The following PIK3R5 variants were observed in gnomAD, a reference collection of about 807,000 sequenced individuals.
PIK3R5 encodes the protein phosphoinositide-3-kinase regulatory subunit 5.
PIK3R5 carries 32 observed loss-of-function variants against 94.9 expected under a neutral mutation model. The ratio of observed to expected loss-of-function variants is 0.34; its 90% CI spans 0.25 to 0.45. The LOEUF is 0.45. Ranked by LOEUF, PIK3R5 falls within the 20% of genes least tolerant of loss-of-function variation. The pLI, the probability that PIK3R5 is intolerant of heterozygous loss-of-function variation, is 1.00. For missense variants in PIK3R5, 853 were observed against 1,144.6 expected (o/e 0.75, Z 3.68); for synonymous variants, 443 against 479.4 (o/e 0.92, Z 0.99).
At chr17:8,946,879 G>A (rs746934416) in intron 1 of PIK3R5, among the ~76,000 whole-genome samples, 10 of 152,036 alleles carry the variant, frequency 6.6e-5, no homozygotes, top group South Asian at 2.1e-4. Context: ...GCCCCATCTC[G>A]GCTGCCTCCT....
chr17:8,948,746 G>C (rs1193797818), intron 1 of PIK3R5, among the ~76,000 whole-genome samples: 1 of 152,192 alleles, frequency 6.6e-6, no homozygotes, highest in East Asian at 1.9e-4. Context: ...CATACCCAGT[G>C]GAAGATGCTC....
intron 12 of PIK3R5, among the ~76,000 whole-genome samples, 170 bp from the exon 13 acceptor site, chr17:8,886,775 C>T (rs951820928): frequency 2.0e-5 from 3 of 152,162 alleles, no homozygotes; most frequent in African/African-American, 7.2e-5. Flanking sequence ...GCCTCCATGC[C>T]CCTCACCTGA....
At chr17:8,906,312 T>C (rs997668244) in intron 3 of PIK3R5, among the ~76,000 whole-genome samples, 2 of 152,234 alleles carry the variant, frequency 1.3e-5, no homozygotes, top group African/African-American at 4.8e-5. Flanking sequence ...TTTTTACTCC[T>C]AACGTATTTT....
chr17:8,913,519 C>T (rs551026631), intron 1 of PIK3R5, among the ~76,000 whole-genome samples: 181 of 148,642 alleles, frequency 1.2e-3, no homozygotes, highest in Non-Finnish European at 1.7e-3. Context: ...CCAGCCTGGC[C>T]AACATCTTGA....
rs192228703 is a variant in PIK3R5 at position 8,910,177 on chromosome 17, C to T, written c.104-1003G>A. 3.0e-3 allele frequency among the ~76,000 whole-genome samples: 458 copies of T among 152,122 alleles called. 1 individual carries two copies. Among genetic ancestry groups the T allele is most frequent in the African/African-American group, 5.0e-3 (206 of 41,498 alleles). On this transcript the variant is annotated intron_variant, in intron 2 of 18. Coordinates refer to ENST00000447110, the MANE Select transcript of PIK3R5 (RefSeq NM_001142633.3). ...TGTGTGTGGAGTGGGGAGTGAGAGC[C>T]GCAGGAGTGGAAATGGATTGAACTT...
rs2151416618 is a variant in PIK3R5 at position 8,911,886 on chromosome 17, A to G, written c.-13-379T>C. The G allele has an allele frequency of 6.2e-6, 1 of 161,498 alleles. No individual in the cohort carries two copies. The highest frequency in any genetic ancestry group is 2.8e-3 in the Middle Eastern group (1 of 356). The allele number at this position is 161,498 out of a possible 1,614,324, so 10.0% of individuals were successfully genotyped here. On this transcript the variant is annotated intron_variant, in intron 1 of 18. Coordinates refer to ENST00000447110, the MANE Select transcript of PIK3R5 (RefSeq NM_001142633.3). This position sits in a 1 kb window ranked among gnomAD's most constrained non-coding sequence, Gnocchi z 5.3. ...TGAGGGGAAAATCAGAATCACTCGG[A>G]GGACTTTTTCTGAATTTCCAGGCTG...
chr17:8,965,345 C>T (rs76318688), intron 1 of PIK3R5, among the ~76,000 whole-genome samples: 115 of 152,342 alleles, frequency 7.5e-4, no homozygotes, highest in African/African-American at 2.7e-3. Context: ...AGAGGTTACC[C>T]GGATAACGAT....
chr17:8,947,772 G>A (rs374869662), intron 1 of PIK3R5, among the ~76,000 whole-genome samples: 38 of 152,192 alleles, frequency 2.5e-4, no homozygotes, highest in African/African-American at 8.2e-4. Context: ...AGCTGGGTGC[G>A]GTGGCTCATG....
At position 8,896,565 on chromosome 17, in the gene PIK3R5, G is replaced by A. The variant is rs1417252337; in HGVS notation, c.413-2910C>T. ...TGAGTGGGCAGAACACACTCATAGT[G>A]AAGTTCAAACTCCTGGCCCAGGTGT... On this transcript the variant is annotated intron_variant, in intron 5 of 18. Coordinates refer to ENST00000447110, the MANE Select transcript of PIK3R5 (RefSeq NM_001142633.3). The surrounding 1 kb of genome is among the most constrained non-coding windows in gnomAD (Gnocchi z 4.0). 6.6e-6 allele frequency among the ~76,000 whole-genome samples: 1 copy of A among 152,192 alleles called. No individual in the cohort carries two copies. The highest frequency in any genetic ancestry group is 1.5e-5 in the Non-Finnish European group (1 of 68,022).
At chr17:8,910,110 C>A (rs34011443) in intron 2 of PIK3R5, among the ~76,000 whole-genome samples, 2,946 of 152,254 alleles carry the variant, frequency 0.019, 41 homozygotes, top group Middle Eastern at 0.034. Context: ...AAAATTAAAG[C>A]GACAGCCTGG....
At position 8,945,948 on chromosome 17, in the gene PIK3R5, G is replaced by T. The variant is rs572770737; in HGVS notation, c.-14+19648C>A. ...CCATCTGGACGTTGCCATGATGTAAGGAAGCCCAAACCACATGGAGAGGCC... is the reference window on the plus strand; with the variant it reads ...CCATCTGGACGTTGCCATGATGTAATGAAGCCCAAACCACATGGAGAGGCC... On this transcript the variant is annotated intron_variant, in intron 1 of 18. Coordinates refer to ENST00000447110, the MANE Select transcript of PIK3R5 (RefSeq NM_001142633.3). This position sits in a 1 kb window ranked among gnomAD's most constrained non-coding sequence, Gnocchi z 4.0. Among the ~76,000 whole-genome samples, 80 of 152,266 alleles carry T rather than the reference G, an allele frequency of 5.3e-4. 4 individuals are homozygous for T. The South Asian group carries it at 0.016, about 31-fold the overall frequency.
chr17:8,899,594 G>C (rs1247736144), intron 5 of PIK3R5, among the ~76,000 whole-genome samples: 3 of 152,212 alleles, frequency 2.0e-5, no homozygotes, highest in Non-Finnish European at 2.9e-5. Context: ...CCCAGTATTT[G>C]CAAGTACAAT....
intron 1 of PIK3R5, among the ~76,000 whole-genome samples, chr17:8,958,828 G>A (rs531090697): frequency 2.0e-5 from 3 of 150,444 alleles, no homozygotes; most frequent in East Asian, 2.0e-4. Context: ...GCGCGATCTC[G>A]GCTCACCACA....
At position 8,888,394 on chromosome 17, in the gene PIK3R5, C is replaced by T. The variant is rs751907609; in HGVS notation, c.1393G>A (p.Glu465Lys). ...RAGSLCSPLDEPVSPPSRAQR... is the reference protein window; with the variant it reads ...RAGSLCSPLDKPVSPPSRAQR... ...GCCCGGGAAGGGGGTGATACTGGTT[C>T]GTCCAGGGGGCTGCAGAGGCTCCCT... Residue 465 changes from glutamate (E) to lysine (K), a missense_variant, in exon 10 of 19, where the codon GAA becomes AAA. By Grantham distance (56) the Glu-to-Lys change is moderately conservative. This residue lies in a region of PIK3R5 where 319 missense variants were observed against 339.8 expected (regional missense o/e 0.94). Coordinates refer to ENST00000447110, the MANE Select transcript of PIK3R5 (RefSeq NM_001142633.3). This position sits in a 1 kb window ranked among gnomAD's most constrained non-coding sequence, Gnocchi z 7.8. 35 of 1,595,518 alleles carry T rather than the reference C, an allele frequency of 2.2e-5. No homozygotes were observed. The South Asian group carries it at 2.6e-4, about 12-fold the overall frequency.
At chr17:8,958,637 G>A (rs1054911182) in intron 1 of PIK3R5, among the ~76,000 whole-genome samples, 6 of 152,196 alleles carry the variant, frequency 3.9e-5, no homozygotes, top group Non-Finnish European at 8.8e-5. Context: ...GCTCATGCCT[G>A]TCCCTGGGAA....
intron 1 of PIK3R5, among the ~76,000 whole-genome samples, chr17:8,930,034 T>A (rs990186219): frequency 5.9e-5 from 9 of 152,174 alleles, no homozygotes; most frequent in Admixed American, 3.3e-4. Flanking sequence ...ATAGAACAAC[T>A]GTAAAGAAAA....
In PIK3R5 at chr17:8,887,132, C is replaced by T. The variant is rs2089880166; in HGVS notation, c.1869G>A (p.Leu623=). The change falls in exon 12 of 19, where the codon CTG becomes CTA. Residue 623 remains leucine (L), a synonymous_variant. Transcript: ENST00000447110. ...CTTCAGGGGGCAGGTGCATGAGGCC[C>T]AGTACATTGCGCTCATACCAGGGGT... is the stretch of plus-strand genomic sequence containing the variant. The part of the protein sequence containing the change: ...MLDPWYERNV[L]GLMHLPPEVL... The T allele has an allele frequency of 6.2e-7, 1 of 1,614,036 alleles. No individual in the cohort carries two copies. The highest frequency in any genetic ancestry group is 8.5e-7 in the Non-Finnish European group (1 of 1,180,016).
chr17:8,885,623 C>T (rs2089814341), intron 14 of PIK3R5, among the ~76,000 whole-genome samples: 6 of 128,638 alleles, frequency 4.7e-5, no homozygotes, highest in Non-Finnish European at 4.8e-5. Flanking sequence ...CCCCGCCCCC[C>T]CATGGCCCCA....
At chr17:8,958,824 T>A (rs1029652341) in intron 1 of PIK3R5, among the ~76,000 whole-genome samples, 1 of 151,732 alleles carries the variant, frequency 6.6e-6, no homozygotes, top group Non-Finnish European at 1.5e-5. Flanking sequence ...AATGGCGCGA[T>A]CTCGGCTCAC....
Sources: allele counts gnomAD v4.1 joint callset (sites outside exome capture counted in the v4.1 genomes callset), GRCh38; gene constraint gnomAD v4.1.1; regional missense constraint gnomAD v4.1.1; non-coding constraint Gnocchi (gnomAD v3.1); transcripts MANE v1.5; gene names NCBI Gene and HGNC (gene_info 2026-07-23, HGNC 2026-07-21).